FBF1: variants seen among roughly 807,000 people sequenced by gnomAD.
FBF1 encodes Fas binding factor 1, also known as fas-binding factor 1.
In FBF1, 119 loss-of-function variants were observed where a neutral mutation model predicts 147.2. The ratio of observed to expected loss-of-function variants is 0.81; its 90% CI spans 0.70 to 0.94. FBF1 has a LOEUF of 0.94. Among genes scored for constraint, FBF1 ranks in the 40% least tolerant of loss-of-function variants. The pLI, the probability that FBF1 is intolerant of heterozygous loss-of-function variation, is 0.00. For synonymous variants in FBF1, 601 were observed against 609.0 expected, an observed-to-expected ratio of 0.99 and a Z score of 0.19; for missense variants, 1,449 against 1,500.8, an observed-to-expected ratio of 0.97 and a Z score of 0.57.
At chr17:75,926,641 C>T in intron 10 of FBF1, 117 bp downstream of exon 10, 2 of 1,460,468 alleles carry the variant, frequency 1.4e-6, no homozygotes, top group Non-Finnish European at 1.8e-6. Flanking sequence ...TTGTACTGGA[C>T]CTTAGACCTC....
chr17:75,920,712 T>G (rs571740024), intron 17 of FBF1, among the ~76,000 whole-genome samples: 2 of 151,926 alleles, frequency 1.3e-5, no homozygotes, highest in South Asian at 2.1e-4. Flanking sequence ...CCCAGCAGAG[T>G]CTTCGCTATG....
At position 75,934,879 on chromosome 17, in the gene FBF1, C is replaced by CAAA. The variant is rs1028679601; in HGVS notation, c.73+750_73+752dup. On this transcript the variant is annotated intron_variant, in intron 4 of 29. Coordinates refer to ENST00000636174, the MANE Select transcript of FBF1 (RefSeq NM_001319193.2). ...GGGCAACAAGAGTGAAACTCTGTCT[C>CAAA]AAAAAAAAAAAAAAAAAAAGGTAAG... Among the ~76,000 whole-genome samples the CAAA allele has an allele frequency of 9.5e-3, 526 of 55,618 alleles. 6 individuals carry two copies. The highest frequency in any genetic ancestry group is 0.029 in the African/African-American group (487 of 16,864). The allele number at this position is 55,618 out of a possible 152,430, so 36.5% of individuals were successfully genotyped here. A position where few individuals can be genotyped will look rare whatever the true frequency, so the allele number is the denominator to read the frequency against.
Position 75,910,670 on chromosome 17 carries a change from C to A in FBF1, c.*53G>T. ...GCCTCCATGGAGGCAGCCGGAGGAA[C>A]AGGACAGTTCTGGGGTCCGAACCCT... On this transcript the variant is annotated 3_prime_UTR_variant, in exon 30 of 30. Coordinates refer to ENST00000636174, the MANE Select transcript of FBF1 (RefSeq NM_001319193.2). This position sits in a 1 kb window ranked among gnomAD's most constrained non-coding sequence, Gnocchi z 4.1. The A allele has an allele frequency of 6.6e-7, 1 of 1,520,946 alleles. No homozygotes were observed. The highest frequency in any genetic ancestry group is 9.0e-7 in the Non-Finnish European group (1 of 1,114,316). The allele number at this position is 1,520,946 out of a possible 1,614,324, so 94.2% of individuals were successfully genotyped here.
chr17:75,926,995 C>G lies in FBF1; in HGVS notation c.476-118G>C, dbSNP rs2065566107. On this transcript the variant is annotated intron_variant, in intron 9 of 29. Coordinates refer to ENST00000636174, the MANE Select transcript of FBF1 (RefSeq NM_001319193.2). ...CTAGCTGCTCCAGTACATAAACAAGCCCCCTGGCATCTGGAGGGTGGGGCC... is the reference window on the plus strand; with the variant it reads ...CTAGCTGCTCCAGTACATAAACAAGGCCCCTGGCATCTGGAGGGTGGGGCC... 3.4e-5 allele frequency: 47 copies of G among 1,385,824 alleles called. No individual in the cohort carries two copies. The South Asian group carries it at 4.4e-4, about 13-fold the overall frequency. The allele number at this position is 1,385,824 out of a possible 1,614,324, so 85.8% of individuals were successfully genotyped here. A position where few individuals can be genotyped will look rare whatever the true frequency, so the allele number is the denominator to read the frequency against.
Position 75,933,003 on chromosome 17 carries a change from C to T in FBF1, c.159G>A (p.Ala53=), listed in dbSNP as rs767135992. ...GVSQMFPSSK[A]RTKSLLGDDV... ...TCGGACCCTGCCCTTACTTTGTTCT[C>T]GCCTTTGAAGAAGGGAACATCTGAG... is the stretch of plus-strand genomic sequence containing the variant. Residue 53 remains alanine (A), a synonymous_variant, in exon 5 of 30, where the codon GCG becomes GCA. Coordinates refer to ENST00000636174, the MANE Select transcript of FBF1 (RefSeq NM_001319193.2). The T allele has an allele frequency of 1.1e-5, 18 of 1,597,476 alleles. No individual in the cohort carries two copies. Among genetic ancestry groups the T allele is most frequent in the Middle Eastern group, 1.7e-4 (1 of 5,986 alleles).
In FBF1 at chr17:75,913,930, C is replaced by T. The variant is rs1222020909; in HGVS notation, c.3112G>A (p.Glu1038Lys). Residue 1038 changes from glutamate (E) to lysine (K), a missense_variant, in exon 27 of 30, where the codon GAG (glutamate) becomes AAG (lysine). Transcript: ENST00000636174. ...AGCCTTGCCTGGTGCATGTGCTGCTCCTGCTTCCGCAGCCGCTCCTGCTGT... is the reference window on the plus strand; with the variant it reads ...AGCCTTGCCTGGTGCATGTGCTGCTTCTGCTTCCGCAGCCGCTCCTGCTGT... Reference protein sequence around the residue: ...QQQQERLRKQEQHMHQEHLSL... With the variant: ...QQQQERLRKQKQHMHQEHLSL... 1.3e-6 allele frequency: 2 copies of T among 1,546,098 alleles called. No individual in the cohort carries two copies. Among genetic ancestry groups the T allele is most frequent in the Non-Finnish European group, 1.7e-6 (2 of 1,150,964 alleles).
Position 75,926,305 on chromosome 17 carries a change from C to G in FBF1, c.717G>C (p.Lys239Asn), listed in dbSNP as rs1347061214. 1 of 1,613,450 alleles carries G rather than the reference C, an allele frequency of 6.2e-7. No homozygotes were observed. Among genetic ancestry groups the G allele is most frequent in the South Asian group, 1.1e-5 (1 of 90,960 alleles). ...LGFGDSPKAE[K>N]RQIGDQEGPR... ...ATCCTTACTGGTCTCCTATCTGCCT[C>G]TTCTCTGCTTTGGGGCTGTCTCCAA... The change falls in exon 11 of 30, where the codon AAG (lysine) becomes AAC (asparagine). Residue 239 changes from lysine to asparagine, a missense_variant. Lys to Asn is a moderately conservative substitution (Grantham distance 94, BLOSUM62 0). Transcript: ENST00000636174.
In FBF1 at chr17:75,919,724, C is replaced by G; in HGVS notation, c.2082G>C (p.Leu694Phe). Reference sequence around the variant, plus strand: ...GGTCCTTCTCCTGCGCTATGGCCGCCAAGCGCCGCTGGTGCTGGGCCGTAA... The same window carrying G: ...GGTCCTTCTCCTGCGCTATGGCCGCGAAGCGCCGCTGGTGCTGGGCCGTAA... Reference protein sequence around the residue: ...AELTAQHQRRLAAIAQEKDQE... With the variant: ...AELTAQHQRRFAAIAQEKDQE... Residue 694 changes from leucine (L) to phenylalanine (F), a missense_variant, in exon 20 of 30, where the codon TTG (leucine) becomes TTC (phenylalanine). Transcript: ENST00000636174. The surrounding 1 kb of genome is among the most constrained non-coding windows in gnomAD (Gnocchi z 5.0). 1 of 1,613,056 alleles carries G rather than the reference C, an allele frequency of 6.2e-7. No individual in the cohort carries two copies. Among genetic ancestry groups the G allele is most frequent in the Non-Finnish European group, 8.5e-7 (1 of 1,179,808 alleles).
At position 75,918,345 on chromosome 17, in the gene FBF1, G is replaced by A. The variant is rs2065502653; in HGVS notation, c.2139-76C>T. On this transcript the variant is annotated intron_variant, in intron 20 of 29. Coordinates refer to ENST00000636174, the MANE Select transcript of FBF1 (RefSeq NM_001319193.2). This position sits in a 1 kb window ranked among gnomAD's most constrained non-coding sequence, Gnocchi z 5.8. Reference sequence around the variant, plus strand: ...ATGCGGTAACTCCTTGTGGAAGGGTGTGTTTCCGTGCAGCCCTTGCTCCCA... The same window carrying A: ...ATGCGGTAACTCCTTGTGGAAGGGTATGTTTCCGTGCAGCCCTTGCTCCCA... 1.6e-6 allele frequency: 2 copies of A among 1,252,876 alleles called. No individual in the cohort carries two copies. The highest frequency in any genetic ancestry group is 2.2e-6 in the Non-Finnish European group (2 of 889,492). 77.6% of individuals were successfully genotyped at this position (1,252,876 alleles called of 1,614,324 possible).
Position 75,919,651 on chromosome 17 carries a change from C to G in FBF1, c.2138+17G>C. On this transcript the variant is annotated intron_variant, in intron 20 of 29. Coordinates refer to ENST00000636174, the MANE Select transcript of FBF1 (RefSeq NM_001319193.2). This position sits in a 1 kb window ranked among gnomAD's most constrained non-coding sequence, Gnocchi z 5.0. Reference sequence around the variant, plus strand: ...CCTTGCAAGCCTGCTCCCCAGCTGCCTGTCCCTGGGCCTCACCGCTGCAGC... The same window carrying G: ...CCTTGCAAGCCTGCTCCCCAGCTGCGTGTCCCTGGGCCTCACCGCTGCAGC... 6.3e-7 allele frequency: 1 copy of G among 1,581,298 alleles called. No individual in the cohort carries two copies. The highest frequency in any genetic ancestry group is 1.1e-5 in the South Asian group (1 of 87,624).
At position 75,926,572 on chromosome 17, in the gene FBF1, C is replaced by T. The variant is rs564107554; in HGVS notation, c.596-146G>A. On this transcript the variant is annotated intron_variant, in intron 10 of 29. Transcript: ENST00000636174. ...GGTCTGTCCACGGGACCCAATTCCT[C>T]CAGCCTACTCCCAGACTCACACGTC... The T allele has an allele frequency of 2.4e-5, 32 of 1,354,968 alleles. No homozygotes were observed. In the East Asian group the frequency reaches 6.3e-4, roughly 27 times the overall value. 83.9% of individuals were successfully genotyped at this position (1,354,968 alleles called of 1,614,324 possible). A position where few individuals can be genotyped will look rare whatever the true frequency, so the allele number is the denominator to read the frequency against.
chr17:75,928,082 G>T lies in FBF1; in HGVS notation c.391C>A (p.Pro131Thr). Residue 131 changes from proline (P) to threonine (T), a missense_variant, in exon 8 of 30, where the codon CCT becomes ACT. By Grantham distance (38) the Pro-to-Thr change is conservative (BLOSUM62 -1). Coordinates refer to ENST00000636174, the MANE Select transcript of FBF1 (RefSeq NM_001319193.2). The surrounding 1 kb of genome is among the most constrained non-coding windows in gnomAD (Gnocchi z 4.2). ...GKGELPNHPK[P>T]AGGAIPTKKS... ...TCACTGGCTACTGACCCACCTGCAG[G>T]CTTGGGGTGGTTGGGCAGCTCTCCT... 6.2e-7 allele frequency: 1 copy of T among 1,613,232 alleles called. No individual in the cohort carries two copies. Among genetic ancestry groups the T allele is most frequent in the Non-Finnish European group, 8.5e-7 (1 of 1,179,708 alleles).
At chr17:75,936,761 C>T (rs764921238) in intron 3 of FBF1, among the ~76,000 whole-genome samples, 8 of 152,142 alleles carry the variant, frequency 5.3e-5, no homozygotes, top group Non-Finnish European at 8.8e-5. Flanking sequence ...CCTACCATGA[C>T]ACACTGGCCA....
chr17:75,923,334 T>G lies in FBF1; in HGVS notation c.1276A>C (p.Lys426Gln). ...TTCTCCTCCTTGGAGGCTCGCAGCTTGGAAGCCTGGCTGGCTTTGGCAGGG... is the reference window on the plus strand; with the variant it reads ...TTCTCCTCCTTGGAGGCTCGCAGCTGGGAAGCCTGGCTGGCTTTGGCAGGG... ...GSPAKASQAS[K>Q]LRASKEEKED... Residue 426 changes from lysine (K) to glutamine (Q), a missense_variant, in exon 14 of 30, where the codon AAG (lysine) becomes CAG (glutamine). Lys to Gln is a moderately conservative substitution (Grantham distance 53). Coordinates refer to ENST00000636174, the MANE Select transcript of FBF1 (RefSeq NM_001319193.2). This position sits in a 1 kb window ranked among gnomAD's most constrained non-coding sequence, Gnocchi z 4.1. 1 of 1,602,382 alleles carries G rather than the reference T, an allele frequency of 6.2e-7. No homozygotes were observed. The highest frequency in any genetic ancestry group is 8.5e-7 in the Non-Finnish European group (1 of 1,174,902).
chr17:75,919,600 G>T lies in FBF1; in HGVS notation c.2138+68C>A. 1.3e-6 allele frequency: 2 copies of T among 1,515,688 alleles called. No homozygotes were observed. The highest frequency in any genetic ancestry group is 2.4e-5 in the South Asian group (2 of 82,854). The allele number at this position is 1,515,688 out of a possible 1,614,324, so 93.9% of individuals were successfully genotyped here. A position where few individuals can be genotyped will look rare whatever the true frequency, so the allele number is the denominator to read the frequency against. On this transcript the variant is annotated intron_variant, in intron 20 of 29. Transcript: ENST00000636174. The surrounding 1 kb of genome is among the most constrained non-coding windows in gnomAD (Gnocchi z 5.0). ...CTGCTGAGCCACAGCGAAGGGTCTC[G>T]TGGGGATGGCTCTCTTCCGGCTACT... is the stretch of plus-strand genomic sequence containing the variant.
At position 75,925,909 on chromosome 17, in the gene FBF1, G is replaced by C; in HGVS notation, c.868+121C>G. 1 of 1,331,128 alleles carries C rather than the reference G, an allele frequency of 7.5e-7. No homozygotes were observed. Among genetic ancestry groups the C allele is most frequent in the Non-Finnish European group, 1.0e-6 (1 of 995,692 alleles). The allele number at this position is 1,331,128 out of a possible 1,614,324, so 82.5% of individuals were successfully genotyped here. A position where few individuals can be genotyped will look rare whatever the true frequency, so the allele number is the denominator to read the frequency against. ...TAAGTATTATTTTGTCTCAGCTATA[G>C]ACGTGTATAATCACATGTGTGTATC... On this transcript the variant is annotated intron_variant, in intron 12 of 29. Transcript: ENST00000636174. The surrounding 1 kb of genome is among the most constrained non-coding windows in gnomAD (Gnocchi z 5.0).
rs1407025697 is a variant in FBF1 at position 75,926,884 on chromosome 17, G to A, written c.476-7C>T. ...CTCAATGGGTCTTCCAAGTCTCACA[G>A]CAGAAGGGAAAGCACAGGTCAGACT... On this transcript the variant is annotated splice_polypyrimidine_tract_variant and splice_region_variant and intron_variant, in intron 9 of 29. Coordinates refer to ENST00000636174, the MANE Select transcript of FBF1 (RefSeq NM_001319193.2). The A allele has an allele frequency of 6.2e-7, 1 of 1,608,150 alleles. No individual in the cohort carries two copies.
chr17:75,923,052 C>A lies in FBF1; in HGVS notation c.1424+134G>T. The A allele has an allele frequency of 1.2e-6, 1 of 860,530 alleles. No homozygotes were observed. The highest frequency in any genetic ancestry group is 1.8e-6 in the Non-Finnish European group (1 of 563,446). The allele number at this position is 860,530 out of a possible 1,614,324, so 53.3% of individuals were successfully genotyped here. On this transcript the variant is annotated intron_variant, in intron 14 of 29. Transcript: ENST00000636174. The surrounding 1 kb of genome is among the most constrained non-coding windows in gnomAD (Gnocchi z 4.1). ...AAGGCAGAGTAGCAAAGCCAAGAAG[C>A]GGCCTCTGTGGCCACGGCGCCCTGC...
rs545995145 is a variant in FBF1, at chr17:75,925,102, G to A, written c.968+245C>T. Among the ~76,000 whole-genome samples the A allele has an allele frequency of 1.3e-5, 2 of 152,314 alleles. No individual in the cohort carries two copies. The highest frequency in any genetic ancestry group is 4.8e-5 in the African/African-American group (2 of 41,574). On this transcript the variant is annotated intron_variant, in intron 13 of 29. Transcript: ENST00000636174. This position sits in a 1 kb window ranked among gnomAD's most constrained non-coding sequence, Gnocchi z 5.0. ...GCCCCTTTCCTTCTGAGGCTGGGTG[G>A]GGCACTGGCGAACCTGAGCAGCGTC...
Sources: gnomAD v4.1 joint callset for allele counts (sites outside exome capture counted in the v4.1 genomes callset) on GRCh38, gnomAD v4.1.1 for gene constraint, Gnocchi (gnomAD v3.1) non-coding constraint, MANE v1.5 for transcripts, NCBI Gene and HGNC (gene_info 2026-07-23, HGNC 2026-07-21) for gene names.